The following TRIM7 variants were observed in gnomAD, a reference collection of about 807,000 sequenced individuals.
TRIM7 encodes the protein E3 ubiquitin-protein ligase TRIM7.
Under a neutral mutation model 37.9 loss-of-function variants are expected in TRIM7, and 32 were observed. The ratio of observed to expected loss-of-function variants is 0.84; its 90% CI spans 0.64 to 1.13. The LOEUF (loss-of-function observed/expected upper bound fraction) is 1.13, where lower values mean the gene tolerates loss of function less well. Among genes scored for constraint, TRIM7 ranks in the 50% most tolerant of loss-of-function variants. The pLI, the probability that TRIM7 is intolerant of heterozygous loss-of-function variation, is 0.00. For missense variants in TRIM7, 732 were observed against 714.0 expected, an observed-to-expected ratio of 1.03 and a Z score of -0.29; for synonymous variants, 351 against 321.3, an observed-to-expected ratio of 1.09 and a Z score of -0.99.
chr5:181,205,139 C>A lies in TRIM7; in HGVS notation c.-29G>T. On this transcript the variant is annotated 5_prime_UTR_variant, in exon 1 of 7. Coordinates refer to ENST00000274773, the MANE Select transcript of TRIM7 (RefSeq NM_203293.3). ...CGCTCTCCGCGCACCCAGATCTGGT[C>A]GCGCCTGGGCGGCCACTGGACCTCA... is the stretch of plus-strand genomic sequence containing the variant. The A allele has an allele frequency of 1.6e-6, 2 of 1,280,960 alleles. No individual in the cohort carries two copies. Among genetic ancestry groups the A allele is most frequent in the South Asian group, 2.4e-5 (1 of 40,946 alleles). The allele number at this position is 1,280,960 out of a possible 1,614,324, so 79.3% of individuals were successfully genotyped here.
At position 181,205,056 on chromosome 5, in the gene TRIM7, G is replaced by A; in HGVS notation, c.55C>T (p.Leu19=). The A allele has an allele frequency of 7.2e-7, 1 of 1,391,190 alleles. No individual in the cohort carries two copies. Among genetic ancestry groups the A allele is most frequent in the Middle Eastern group, 2.0e-4 (1 of 4,924 alleles). 86.2% of individuals were successfully genotyped at this position (1,391,190 alleles called of 1,614,324 possible). A position where few individuals can be genotyped will look rare whatever the true frequency, so the allele number is the denominator to read the frequency against. ...GCCTCGCCCTGCAGCTCTGCCGCCA[G>A]CGCTAGAGCCTCGGCGCCGGTTCCG... is the stretch of plus-strand genomic sequence containing the variant. ...GPGTGAEALA[L]AAELQGEATC... The change falls in exon 1 of 7, where the codon CTG becomes TTG. Residue 19 remains leucine, a synonymous_variant. Transcript: ENST00000274773.
rs1757747989 is a variant in TRIM7, at chr5:181,205,124, G to C, written c.-14C>G. 1.5e-6 allele frequency: 2 copies of C among 1,306,858 alleles called. No individual in the cohort carries two copies. The highest frequency in any genetic ancestry group is 4.1e-5 in the Admixed American group (1 of 24,642). The allele number at this position is 1,306,858 out of a possible 1,614,324, so 81.0% of individuals were successfully genotyped here. On this transcript the variant is annotated 5_prime_UTR_variant, in exon 1 of 7. Transcript: ENST00000274773. The stretch of plus-strand genomic sequence containing the variant: ...CACAGCCGCCATGCGCGCTCTCCGC[G>C]CACCCAGATCTGGTCGCGCCTGGGC...
intron 4 of TRIM7, 36 bp downstream of exon 4, chr5:181,199,059 A>G (rs1757317206): frequency 1.2e-6 from 2 of 1,613,914 alleles, no homozygotes; most frequent in South Asian, 1.1e-5. Flanking sequence ...GGAAGAAGCA[A>G]CTTAGAGAGG....
rs1244530126 is a variant in TRIM7, at chr5:181,203,362, TA to T, written c.618+182del. On this transcript the variant is annotated intron_variant, in intron 2 of 6. Transcript: ENST00000274773. ...ATTATTTTAGCACTGCTTTTCACTT[TA>T]AAAAGCTCTGGTTTGTACAACAATT... 1.4e-4 allele frequency: 197 copies of T among 1,420,232 alleles called. No individual in the cohort carries two copies. The East Asian group carries it at 4.9e-3, about 35-fold the overall frequency. The allele number at this position is 1,420,232 out of a possible 1,614,324, so 88.0% of individuals were successfully genotyped here.
At chr5:181,197,302 G>A (rs1757189243) in intron 6 of TRIM7, 1 of 152,416 alleles carries the variant, frequency 6.6e-6, no homozygotes, top group African/African-American at 2.4e-5. Flanking sequence ...AACAGAAGAT[G>A]AGAGGGACCA....
chr5:181,201,000 C>A (rs1757452454), intron 2 of TRIM7: 3 of 802,258 alleles, frequency 3.7e-6, no homozygotes, highest in African/African-American at 3.9e-5. Flanking sequence ...GGGTGCACTT[C>A]CCTTCAAGTC....
In TRIM7 at chr5:181,195,636, T is replaced by C. The variant is rs371250731; in HGVS notation, c.1066A>G (p.Ile356Val). ...LDPDTANPRLILSLDLKGVRL... is the reference protein window; with the variant it reads ...LDPDTANPRLVLSLDLKGVRL... ...ACGCCCTTAAGATCCAGAGAGAGGA[T>C]GAGGCGCGGGTTGGCCGTGTCGGGA... Residue 356 changes from isoleucine to valine, a missense_variant, in exon 7 of 7, where the codon ATC becomes GTC. Transcript: ENST00000274773. 1 of 1,546,222 alleles carries C rather than the reference T, an allele frequency of 6.5e-7. No individual in the cohort carries two copies. The highest frequency in any genetic ancestry group is 8.8e-7 in the Non-Finnish European group (1 of 1,142,496).
rs1757444862 is a variant in TRIM7, at chr5:181,200,920, G to A, written c.619-839C>T. The A allele has an allele frequency of 3.0e-6, 3 of 985,368 alleles. No homozygotes were observed. In the South Asian group the frequency reaches 1.4e-4, roughly 46 times the overall value. The allele number at this position is 985,368 out of a possible 1,614,324, so 61.0% of individuals were successfully genotyped here. A position where few individuals can be genotyped will look rare whatever the true frequency, so the allele number is the denominator to read the frequency against. ...CCCCCACCTTTCCTTCAGCTTCCAG[G>A]CAGGCTGCAGTAGCCTGGAGCGCCT... On this transcript the variant is annotated intron_variant, in intron 2 of 6. Transcript: ENST00000274773.
At chr5:181,203,181 C>T (rs972931203) in intron 2 of TRIM7, 7 of 772,960 alleles carry the variant, frequency 9.1e-6, no homozygotes, top group Non-Finnish European at 1.1e-5. Flanking sequence ...TTAATATTCC[C>T]ACTTATTGAA....
Position 181,200,021 on chromosome 5 carries a change from G to T in TRIM7, c.679C>A (p.Leu227Met). 6.2e-7 allele frequency: 1 copy of T among 1,614,252 alleles called. No homozygotes were observed. Among genetic ancestry groups the T allele is most frequent in the Non-Finnish European group, 8.5e-7 (1 of 1,180,044 alleles). Residue 227 changes from leucine to methionine, a missense_variant, in exon 3 of 7, where the codon CTG (leucine) becomes ATG (methionine). Transcript: ENST00000274773. ...GAEFQALRAF[L>M]VEQEGRLLGR... Reference sequence around the variant, plus strand: ...AGCAGCCGACCCTCCTGCTCCACCAGGAAAGCCCTCAGTGCCTGGAACTCT... The same window carrying T: ...AGCAGCCGACCCTCCTGCTCCACCATGAAAGCCCTCAGTGCCTGGAACTCT...
rs750889861 is a variant in TRIM7 at position 181,203,593 on chromosome 5, G to A, written c.570C>T (p.Asp190=). The A allele has an allele frequency of 1.2e-6, 2 of 1,614,048 alleles. No homozygotes were observed. The highest frequency in any genetic ancestry group is 3.3e-4 in the Middle Eastern group (2 of 6,062). The change falls in exon 2 of 7, where the codon GAC becomes GAT. Residue 190 remains aspartate (D), a synonymous_variant. Coordinates refer to ENST00000274773, the MANE Select transcript of TRIM7 (RefSeq NM_203293.3). The stretch of plus-strand genomic sequence containing the variant: ...TTTCCGTGGACCGGAACACCTCACA[G>A]TCCTCCAGTTCCTTCTTCAAGACCC... ...RLRVLKKELE[D]CEVFRSTEKK...
chr5:181,199,550 G>A (rs406239), intron 3 of TRIM7: 20 of 481,494 alleles, frequency 4.2e-5, no homozygotes, highest in Non-Finnish European at 6.9e-5. Context: ...TTTTTTTAGC[G>A]AAATAGAATA....
At chr5:181,196,898 C>CACT (rs1757158327) in intron 6 of TRIM7, 3 of 152,036 alleles carry the variant, frequency 2.0e-5, no homozygotes, top group Admixed American at 2.0e-4. Context: ...GAGGCTCATG[C>CACT]TTGTAATCCT....
intron 1 of TRIM7, chr5:181,204,324 G>A: frequency 8.5e-7 from 1 of 1,182,916 alleles, no homozygotes; most frequent in Non-Finnish European, 1.0e-6. Flanking sequence ...CGCCAAGTCC[G>A]TGGGGGACGT....
intron 2 of TRIM7, among the ~76,000 whole-genome samples, chr5:181,201,242 G>A (rs1274445138): frequency 1.3e-5 from 2 of 152,168 alleles, no homozygotes; most frequent in Non-Finnish European, 2.9e-5. Context: ...CCTCTACCAC[G>A]AAATGCCAAT....
intron 3 of TRIM7, 116 bp from the exon 4 acceptor site, chr5:181,199,233 C>G: frequency 8.1e-7 from 1 of 1,236,620 alleles, no homozygotes; most frequent in East Asian, 2.3e-5. Flanking sequence ...AAGTGTGCCA[C>G]GCCTCACTGC....
At chr5:181,200,877 T>C (rs1757442339) in intron 2 of TRIM7, 2 of 985,450 alleles carry the variant, frequency 2.0e-6, no homozygotes, top group African/African-American at 3.5e-5. Context: ...AGACCTGGGT[T>C]CAAGGTGTCC....
chr5:181,205,052 G>A lies in TRIM7; in HGVS notation c.59C>T (p.Ala20Val), dbSNP rs916802670. ...PGTGAEALAL[A>V]AELQGEATCS... The stretch of plus-strand genomic sequence containing the variant: ...CGTCGCCTCGCCCTGCAGCTCTGCC[G>A]CCAGCGCTAGAGCCTCGGCGCCGGT... The change falls in exon 1 of 7, where the codon GCG (alanine) becomes GTG (valine). Residue 20 changes from alanine (A) to valine (V), a missense_variant. Physicochemically the swap from Ala to Val is moderately conservative, Grantham distance 64 (BLOSUM62 0). Coordinates refer to ENST00000274773, the MANE Select transcript of TRIM7 (RefSeq NM_203293.3). 3.6e-6 allele frequency: 5 copies of A among 1,404,260 alleles called. No individual in the cohort carries two copies. Among genetic ancestry groups the A allele is most frequent in the Admixed American group, 3.4e-5 (1 of 29,680 alleles). The allele number at this position is 1,404,260 out of a possible 1,614,324, so 87.0% of individuals were successfully genotyped here.
In TRIM7 at chr5:181,195,046, C is replaced by T; in HGVS notation, c.*120G>A. 1.5e-6 allele frequency: 2 copies of T among 1,305,690 alleles called. No homozygotes were observed. Among genetic ancestry groups the T allele is most frequent in the East Asian group, 2.4e-5 (1 of 41,338 alleles). 80.9% of individuals were successfully genotyped at this position (1,305,690 alleles called of 1,614,324 possible). On this transcript the variant is annotated 3_prime_UTR_variant, in exon 7 of 7. Coordinates refer to ENST00000274773, the MANE Select transcript of TRIM7 (RefSeq NM_203293.3). Reference sequence around the variant, plus strand: ...CTCGGGGTTGTGTCTGTAGCAGGCTCTCTTGGGCAGCAGGGGTCAGGAGCA... The same window carrying T: ...CTCGGGGTTGTGTCTGTAGCAGGCTTTCTTGGGCAGCAGGGGTCAGGAGCA...
Sources: allele counts gnomAD v4.1 joint callset (sites outside exome capture counted in the v4.1 genomes callset), GRCh38; gene constraint gnomAD v4.1.1; transcripts MANE v1.5; gene names NCBI Gene and HGNC (gene_info 2026-07-23, HGNC 2026-07-21).